Variants in CSMD1 observed in about 807,000 individuals in gnomAD.
CSMD1 encodes the protein CUB and Sushi multiple domains 1.
In CSMD1, 213 loss-of-function variants were observed where a neutral mutation model predicts 417.5. The ratio of observed to expected loss-of-function variants is 0.51; its 90% CI spans 0.46 to 0.57. CSMD1 has a LOEUF of 0.57. Among genes scored for constraint, CSMD1 ranks in the 20% least tolerant of loss-of-function variants. CSMD1 has a pLI of 0.00. For synonymous variants in CSMD1, 2,862 were observed against 1,736.8 expected (o/e 1.65, Z -16.11); for missense variants, 6,923 against 4,529.7 (o/e 1.53, Z -15.17).
In CSMD1 at chr8:3,167,954, A is replaced by G. The variant is rs143359613; in HGVS notation, c.5726-5677T>C. 1.6e-3 allele frequency among the ~76,000 whole-genome samples: 237 copies of G among 152,330 alleles called. 2 individuals carry two copies. The highest frequency in any genetic ancestry group is 5.4e-3 in the African/African-American group (223 of 41,578). On this transcript the variant is annotated intron_variant, in intron 37 of 69. Transcript: ENST00000635120. ...TTAATCAAATACTTAAAACAGGACA[A>G]ATGGGACTTTTGTAGATATTATGAA...
At chr8:3,452,326 T>A (rs1403779676) in intron 12 of CSMD1, among the ~76,000 whole-genome samples, 1 of 152,202 alleles carries the variant, frequency 6.6e-6, no homozygotes, top group East Asian at 1.9e-4. Context: ...CCTGCCTGAT[T>A]GCCCTGGCCA....
chr8:2,981,963 G>A (rs997804859), intron 54 of CSMD1, among the ~76,000 whole-genome samples: 7 of 152,052 alleles, frequency 4.6e-5, no homozygotes, highest in Non-Finnish European at 7.4e-5. Flanking sequence ...CTTAGCCCTC[G>A]ATAGGATTCT....
intron 2 of CSMD1, among the ~76,000 whole-genome samples, chr8:4,620,655 A>G (rs1476198958): frequency 6.6e-6 from 1 of 151,936 alleles, no homozygotes; most frequent in East Asian, 1.9e-4. Context: ...TGCTTCTTAA[A>G]ATGCATAGGA....
chr8:3,478,046 C>T (rs531260365), intron 11 of CSMD1, among the ~76,000 whole-genome samples: 59 of 152,258 alleles, frequency 3.9e-4, no homozygotes, highest in African/African-American at 1.4e-3. Context: ...ACTATCATTT[C>T]CCCACTGGCA....
intron 5 of CSMD1, among the ~76,000 whole-genome samples, chr8:3,871,823 A>G (rs1206867013): frequency 6.6e-6 from 1 of 152,232 alleles, no homozygotes; most frequent in African/African-American, 2.4e-5. Context: ...GAAGCTTGTG[A>G]AGGCTATTAC....
chr8:3,425,978 C>T (rs940376277), intron 12 of CSMD1, among the ~76,000 whole-genome samples: 3 of 152,028 alleles, frequency 2.0e-5, no homozygotes, highest in African/African-American at 4.8e-5. Flanking sequence ...AAATGTGTCT[C>T]TGTGAACAAA....
intron 2 of CSMD1, among the ~76,000 whole-genome samples, chr8:4,543,800 G>A (rs982284308): frequency 6.7e-6 from 1 of 149,622 alleles, no homozygotes; most frequent in South Asian, 2.1e-4. Flanking sequence ...AGCATTTGAT[G>A]TCAACATTTT....
intron 3 of CSMD1, among the ~76,000 whole-genome samples, chr8:4,325,347 T>C (rs1039882887): frequency 2.6e-5 from 4 of 152,096 alleles, no homozygotes; most frequent in African/African-American, 9.7e-5. Context: ...GGTTCTCTTG[T>C]CTAGGAAGTC....
At chr8:4,221,767 A>G (rs1410923922) in intron 3 of CSMD1, among the ~76,000 whole-genome samples, 3 of 152,198 alleles carry the variant, frequency 2.0e-5, no homozygotes, top group Non-Finnish European at 4.4e-5. Flanking sequence ...CATTGAGATT[A>G]AAAGAAAATA....
intron 6 of CSMD1, among the ~76,000 whole-genome samples, chr8:3,741,171 G>C (rs893093317): frequency 3.6e-5 from 5 of 137,980 alleles, no homozygotes; most frequent in Non-Finnish European, 6.1e-5. Context: ...CTGAGATCGT[G>C]CTATTGCAGT....
At chr8:3,037,563 T>G (rs1426134610) in intron 50 of CSMD1, among the ~76,000 whole-genome samples, 2 of 152,132 alleles carry the variant, frequency 1.3e-5, no homozygotes, top group African/African-American at 4.8e-5. Flanking sequence ...AACATGGGTG[T>G]GCATGTGTCT....
At chr8:3,525,264 G>T (rs78554538) in intron 10 of CSMD1, among the ~76,000 whole-genome samples, 1 of 152,120 alleles carries the variant, frequency 6.6e-6, no homozygotes, top group Admixed American at 6.5e-5. Context: ...GTCCTTAAAA[G>T]CACTCAGGAA....
chr8:4,145,385 T>A (rs549094898), intron 3 of CSMD1, among the ~76,000 whole-genome samples: 1 of 151,210 alleles, frequency 6.6e-6, no homozygotes, highest in South Asian at 2.1e-4. Flanking sequence ...CATTATATAC[T>A]ATAGTCTTCT....
intron 41 of CSMD1, among the ~76,000 whole-genome samples, chr8:3,130,718 T>C (rs1817748696): frequency 1.3e-5 from 2 of 151,896 alleles, no homozygotes; most frequent in South Asian, 2.1e-4. Flanking sequence ...CAAATCTCAA[T>C]GCCACCCCAG....
intron 49 of CSMD1, among the ~76,000 whole-genome samples, chr8:3,080,177 C>G (rs1329584015): frequency 1.3e-5 from 2 of 152,184 alleles, no homozygotes; most frequent in East Asian, 3.9e-4. Flanking sequence ...GAGTTGCTCT[C>G]TCTTTGACCA....
At chr8:3,272,698 G>A (rs1295091670) in intron 26 of CSMD1, among the ~76,000 whole-genome samples, 1 of 142,380 alleles carries the variant, frequency 7.0e-6, no homozygotes, top group Non-Finnish European at 1.5e-5. Flanking sequence ...AAGCAATTGT[G>A]AATGGGAGTT....
intron 3 of CSMD1, among the ~76,000 whole-genome samples, chr8:4,275,611 C>T (rs1296402864): frequency 6.6e-6 from 1 of 152,084 alleles, no homozygotes; most frequent in Non-Finnish European, 1.5e-5. Context: ...TTTTTAACCT[C>T]AGCATACAAA....
At chr8:3,925,140 C>G (rs1438287579) in intron 5 of CSMD1, among the ~76,000 whole-genome samples, 2 of 152,174 alleles carry the variant, frequency 1.3e-5, no homozygotes, top group Non-Finnish European at 2.9e-5. Context: ...AGCCACCCAG[C>G]TAATCCACTT....
rs550471216 is a variant in CSMD1, at chr8:3,932,144, A to T, written c.818+65759T>A. ...TGATTTTATGGCTTATATATTGAGG[A>T]CAGTGCTGGAATGAAACTCAGATAT... On this transcript the variant is annotated intron_variant, in intron 5 of 69. Transcript: ENST00000635120. Among the ~76,000 whole-genome samples the T allele has an allele frequency of 9.3e-5, 14 of 150,448 alleles. 1 individual carries two copies. The highest frequency in any genetic ancestry group is 2.7e-4 in the African/African-American group (11 of 40,840).
Sources: allele counts gnomAD v4.1 joint callset (sites outside exome capture counted in the v4.1 genomes callset), GRCh38; gene constraint gnomAD v4.1.1; transcripts MANE v1.5; gene names NCBI Gene and HGNC (gene_info 2026-07-23, HGNC 2026-07-21).